ARHGAP12: variants seen among roughly 807,000 people sequenced by gnomAD.
ARHGAP12 encodes the protein rho GTPase-activating protein 12.
A neutral mutation model predicts 108.6 loss-of-function variants in ARHGAP12; 64 were observed. The ratio of observed to expected loss-of-function variants is 0.59; its 90% confidence interval spans 0.48 to 0.73. The LOEUF is 0.73. Ranked by LOEUF, ARHGAP12 falls within the 30% of genes least tolerant of loss-of-function variation. The pLI is 0.00. For synonymous variants in ARHGAP12, 312 were observed against 337.2 expected (o/e 0.93, Z 0.82); for missense variants, 940 against 1,005.9 (o/e 0.93, Z 0.89).
chr10:31,900,017 T>A (rs548934111), intron 3 of ARHGAP12, among the ~76,000 whole-genome samples: 7 of 152,222 alleles, frequency 4.6e-5, no homozygotes, highest in African/African-American at 1.7e-4. Flanking sequence ...CTCTTAAAAC[T>A]CATCAATAAG....
At chr10:31,869,060 A>G (rs777434047) in intron 3 of ARHGAP12, among the ~76,000 whole-genome samples, 42 of 152,214 alleles carry the variant, frequency 2.8e-4, no homozygotes, top group Non-Finnish European at 4.8e-4. Flanking sequence ...CTGAAAGACA[A>G]TTCTTAAGTC....
At chr10:31,853,200 T>G (rs1048665689) in intron 5 of ARHGAP12, among the ~76,000 whole-genome samples, 2 of 152,210 alleles carry the variant, frequency 1.3e-5, no homozygotes, top group Admixed American at 6.5e-5. Flanking sequence ...GATGTACATA[T>G]GCACTGGAAC....
chr10:31,852,110 C>A (rs571897578), intron 6 of ARHGAP12, among the ~76,000 whole-genome samples: 1 of 152,068 alleles, frequency 6.6e-6, no homozygotes, highest in Non-Finnish European at 1.5e-5. Context: ...TCATACACAC[C>A]ATTTACATAA....
At position 31,870,450 on chromosome 10, in the gene ARHGAP12, G is replaced by C. The variant is rs920359896; in HGVS notation, c.685-8792C>G. On this transcript the variant is annotated intron_variant, in intron 3 of 19. Coordinates refer to ENST00000344936, the MANE Select transcript of ARHGAP12 (RefSeq NM_018287.7). ...TCTCCATGTTGGCCAGGCTGGTCTC[G>C]AGCTCCCAACCTCAGATGATCCACC... Among the ~76,000 whole-genome samples the C allele has an allele frequency of 3.9e-5, 6 of 151,970 alleles. No homozygotes were observed. The South Asian group carries it at 1.2e-3, about 32-fold the overall frequency.
intron 3 of ARHGAP12, among the ~76,000 whole-genome samples, chr10:31,862,461 G>GT (rs1837151221): frequency 6.6e-6 from 1 of 152,034 alleles, no homozygotes; most frequent in South Asian, 2.1e-4. Context: ...ACTGTAAATT[G>GT]TATTAGGTTA....
Position 31,830,182 on chromosome 10 carries a change from T to C in ARHGAP12, c.1448+1557A>G, listed in dbSNP as rs572815498. Reference sequence around the variant, plus strand: ...TCTGTAGATATAACCTATAAGGTTATAGAGAGTAGACCAAGGCTCTTTAGA... The same window carrying C: ...TCTGTAGATATAACCTATAAGGTTACAGAGAGTAGACCAAGGCTCTTTAGA... On this transcript the variant is annotated intron_variant, in intron 10 of 19. Transcript: ENST00000344936. Among the ~76,000 whole-genome samples, 10 of 152,286 alleles carry C rather than the reference T, an allele frequency of 6.6e-5. No homozygotes were observed. In the East Asian group the frequency reaches 7.7e-4, roughly 12 times the overall value.
intron 3 of ARHGAP12, among the ~76,000 whole-genome samples, chr10:31,874,149 T>C (rs1334390881): frequency 1.3e-5 from 2 of 152,234 alleles, no homozygotes; most frequent in African/African-American, 4.8e-5. Context: ...AGGTGAGGCT[T>C]CTGGTGGCAG....
At chr10:31,871,293 T>C (rs191277988) in intron 3 of ARHGAP12, among the ~76,000 whole-genome samples, 9 of 152,350 alleles carry the variant, frequency 5.9e-5, no homozygotes, top group Admixed American at 3.3e-4. Context: ...GTTATCATGG[T>C]ATCTTTAATA....
At chr10:31,807,880 A>C in intron 19 of ARHGAP12, 48 bp from the exon 20 acceptor site, 2 of 1,341,522 alleles carry the variant, frequency 1.5e-6, no homozygotes. Flanking sequence ...AGAGAGAGGG[A>C]AAATTCTTCA....
At chr10:31,890,285 T>C (rs1162245778) in intron 3 of ARHGAP12, among the ~76,000 whole-genome samples, 1 of 152,176 alleles carries the variant, frequency 6.6e-6, no homozygotes, top group Non-Finnish European at 1.5e-5. Context: ...TAAGCAACAA[T>C]TATACTAGTG....
At chr10:31,819,885 T>C (rs1471073937) in intron 12 of ARHGAP12, among the ~76,000 whole-genome samples, 1 of 151,834 alleles carries the variant, frequency 6.6e-6, no homozygotes, top group African/African-American at 2.4e-5. Context: ...TGGTCTCTTA[T>C]GCAGCAATAA....
intron 3 of ARHGAP12, among the ~76,000 whole-genome samples, chr10:31,889,571 G>T (rs1838327999): frequency 7.0e-6 from 1 of 142,260 alleles, no homozygotes; most frequent in African/African-American, 2.6e-5. Context: ...TTTATCTTCT[G>T]TGATTAATGA....
intron 1 of ARHGAP12, among the ~76,000 whole-genome samples, chr10:31,920,699 A>G (rs964124970): frequency 2.0e-5 from 3 of 152,158 alleles, no homozygotes; most frequent in African/African-American, 4.8e-5. Flanking sequence ...AAAAAAGACA[A>G]TAACAGTGCT....
At chr10:31,821,236 T>C (rs2132170371) in intron 11 of ARHGAP12, among the ~76,000 whole-genome samples, 2 of 152,254 alleles carry the variant, frequency 1.3e-5, no homozygotes, top group Middle Eastern at 6.8e-3. Context: ...ATGAAAAGAA[T>C]GGGAAGACAG....
intron 3 of ARHGAP12, 111 bp from the exon 4 acceptor site, chr10:31,861,769 T>C: frequency 2.2e-6 from 2 of 928,572 alleles, no homozygotes; most frequent in Middle Eastern, 3.2e-4. Flanking sequence ...AAAACATATA[T>C]ACAGGTGAAT....
chr10:31,832,673 T>C (rs1835877096), intron 9 of ARHGAP12, among the ~76,000 whole-genome samples: 1 of 152,224 alleles, frequency 6.6e-6, no homozygotes, highest in Non-Finnish European at 1.5e-5. Context: ...TCTCTCTCTC[T>C]CTCTCACAAG....
intron 9 of ARHGAP12, among the ~76,000 whole-genome samples, chr10:31,836,699 A>T (rs1207214707): frequency 1.3e-5 from 2 of 152,154 alleles, no homozygotes; most frequent in African/African-American, 4.8e-5. Flanking sequence ...AAAGAGGGAA[A>T]TATCTCCCTG....
intron 3 of ARHGAP12, among the ~76,000 whole-genome samples, chr10:31,866,645 C>T (rs1204297367): frequency 6.6e-6 from 1 of 151,684 alleles, no homozygotes; most frequent in Non-Finnish European, 1.5e-5. Flanking sequence ...TCAAGAGTTT[C>T]GCTCTTGTTG....
intron 1 of ARHGAP12, among the ~76,000 whole-genome samples, chr10:31,917,134 C>T (rs1005238129): frequency 4.0e-5 from 6 of 151,688 alleles, no homozygotes; most frequent in South Asian, 2.1e-4. Flanking sequence ...CCAGGCCGGG[C>T]GCGATGGCTC....
Sources: gnomAD v4.1 joint callset for allele counts (sites outside exome capture counted in the v4.1 genomes callset) on GRCh38, gnomAD v4.1.1 for gene constraint, MANE v1.5 for transcripts, NCBI Gene and HGNC (gene_info 2026-07-23, HGNC 2026-07-21) for gene names.